The following CCDC74B variants were observed in gnomAD, a reference collection of about 807,000 sequenced individuals.
CCDC74B encodes coiled-coil domain-containing protein 74B.
In CCDC74B, 34 loss-of-function variants were observed where a neutral mutation model predicts 38.0. That is an observed-to-expected ratio of 0.89 (90% CI 0.68 to 1.19). The LOEUF (loss-of-function observed/expected upper bound fraction) is 1.19. CCDC74B is among the 50% of genes most tolerant of loss of function. The probability of loss-of-function intolerance (pLI) is 0.00; values close to 1 mark genes in which losing one functional copy is unlikely to be tolerated. For missense variants in CCDC74B, 358 were observed against 406.0 expected, an observed-to-expected ratio of 0.88 and a Z score of 1.02; for synonymous variants, 132 against 170.4, an observed-to-expected ratio of 0.77 and a Z score of 1.76.
At position 130,139,932 on chromosome 2, in the gene CCDC74B, C is replaced by T. The variant is rs755279496; in HGVS notation, c.768G>A (p.Thr256=). 2.2e-5 allele frequency: 36 copies of T among 1,611,972 alleles called. No homozygotes were observed. In the East Asian group the frequency reaches 2.5e-4, roughly 11 times the overall value. ...TCTTGGTGGAGACCTTGGGGAAATG[C>T]GTGGCTTCTTGGTCCCTGGGTGAAG... ...EASFPRDQEA[T]HFPKVSTKSL... The change falls in exon 7 of 8, where the codon ACG becomes ACA. Residue 256 remains threonine, a synonymous_variant. Coordinates refer to ENST00000409943, the MANE Select transcript of CCDC74B (RefSeq NM_001258307.2).
At chr2:130,143,598 A>C (rs1323162687) in intron 1 of CCDC74B, among the ~76,000 whole-genome samples, 1 of 152,192 alleles carries the variant, frequency 6.6e-6, no homozygotes, top group Non-Finnish European at 1.5e-5. Context: ...CCTGGGCTTT[A>C]GGGGTACAGA....
chr2:130,142,083 T>C (rs1685669434), intron 3 of CCDC74B, 50 bp downstream of exon 3: 1 of 1,596,128 alleles, frequency 6.3e-7, no homozygotes, highest in East Asian at 2.2e-5. Context: ...CAGGCTGGGG[T>C]CCCCGTGGGG....
rs1467331187 is a variant in CCDC74B at position 130,142,893 on chromosome 2, C to T, written c.295+376G>A. ...CCCCCAGCATGTCAGGACTCAGAGCCATAGGGCTGGAGATCCTGGGCCTGG... is the reference window on the plus strand; with the variant it reads ...CCCCCAGCATGTCAGGACTCAGAGCTATAGGGCTGGAGATCCTGGGCCTGG... On this transcript the variant is annotated intron_variant, in intron 2 of 7. Transcript: ENST00000409943. 7 of 1,550,316 alleles carry T rather than the reference C, an allele frequency of 4.5e-6. No individual in the cohort carries two copies. In the African/African-American group the frequency reaches 9.6e-5, roughly 21 times the overall value.
In CCDC74B at chr2:130,140,374, G is replaced by T. The variant is rs1483129440; in HGVS notation, c.486-3C>A. On this transcript the variant is annotated splice_region_variant and splice_polypyrimidine_tract_variant and intron_variant, in intron 4 of 7. Transcript: ENST00000409943. The stretch of plus-strand genomic sequence containing the variant: ...TAGAGGCCTCTGCTTTCTCCTTTCT[G>T]AAACAGTCATTGCAGCAGCCAGAGG... The T allele has an allele frequency of 6.4e-7, 1 of 1,564,122 alleles. No individual in the cohort carries two copies. The highest frequency in any genetic ancestry group is 2.0e-4 in the Middle Eastern group (1 of 4,932).
chr2:130,142,947 A>G (rs1180342898), intron 2 of CCDC74B: 2 of 1,549,010 alleles, frequency 1.3e-6, no homozygotes, highest in African/African-American at 1.4e-5. Flanking sequence ...GCAAAGATCT[A>G]GCAGGGCAGG....
intron 2 of CCDC74B, chr2:130,142,674 C>A: frequency 6.5e-7 from 1 of 1,543,616 alleles, no homozygotes; most frequent in Non-Finnish European, 8.7e-7. Context: ...TCAGCCCCAG[C>A]CCCAAAGATA....
At chr2:130,142,808 T>C (rs748593867) in intron 2 of CCDC74B, 2 of 1,549,758 alleles carry the variant, frequency 1.3e-6, no homozygotes, top group Middle Eastern at 1.7e-4. Context: ...TTTGTCCCCA[T>C]GGTTGCTGCC....
Position 130,139,384 on chromosome 2 carries a change from T to G in CCDC74B, c.*171A>C. The G allele has an allele frequency of 1.2e-6, 1 of 828,720 alleles. No individual in the cohort carries two copies. Among genetic ancestry groups the G allele is most frequent in the Non-Finnish European group, 1.9e-6 (1 of 540,232 alleles). The allele number at this position is 828,720 out of a possible 1,614,324, so 51.3% of individuals were successfully genotyped here. A position where few individuals can be genotyped will look rare whatever the true frequency, so the allele number is the denominator to read the frequency against. On this transcript the variant is annotated 3_prime_UTR_variant, in exon 8 of 8. Transcript: ENST00000409943. ...AAATGCCAAATAGCAAAATAACAGC[T>G]AGAAAATAAACAGTTTGTCAGTTTG...
In CCDC74B at chr2:130,143,043, A is replaced by G. The variant is rs570921690; in HGVS notation, c.295+226T>C. 30 of 1,491,304 alleles carry G rather than the reference A, an allele frequency of 2.0e-5. No individual in the cohort carries two copies. In the East Asian group the frequency reaches 6.2e-4, roughly 31 times the overall value. The allele number at this position is 1,491,304 out of a possible 1,614,324, so 92.4% of individuals were successfully genotyped here. A position where few individuals can be genotyped will look rare whatever the true frequency, so the allele number is the denominator to read the frequency against. On this transcript the variant is annotated intron_variant, in intron 2 of 7. Coordinates refer to ENST00000409943, the MANE Select transcript of CCDC74B (RefSeq NM_001258307.2). ...ACCCTGTGCCCACCTCCCCACTGCA[A>G]TGACCTCAGGCCCTGGGCTTCCTGA...
At chr2:130,142,839 C>G (rs1685748987) in intron 2 of CCDC74B, 5 of 1,550,256 alleles carry the variant, frequency 3.2e-6, no homozygotes, top group Non-Finnish European at 4.4e-6. Context: ...GAAGGGATCC[C>G]TGGATGGAGT....
chr2:130,141,772 C>T, intron 3 of CCDC74B: 2 of 445,636 alleles, frequency 4.5e-6, no homozygotes, highest in Non-Finnish European at 8.2e-6. Context: ...AGTGCCATCC[C>T]TCCTGTGTCC....
At chr2:130,142,961 T>G (rs1435269798) in intron 2 of CCDC74B, 1 of 1,535,506 alleles carries the variant, frequency 6.5e-7, no homozygotes, top group Non-Finnish European at 8.8e-7. Context: ...GGGCAGGGGC[T>G]GTCCCAGGGG....
chr2:130,142,135 G>C lies in CCDC74B; in HGVS notation c.344C>G (p.Ser115Ter). 6.2e-7 allele frequency: 1 copy of C among 1,613,582 alleles called. No individual in the cohort carries two copies. Among genetic ancestry groups the C allele is most frequent in the South Asian group, 1.1e-5 (1 of 91,060 alleles). The change falls in exon 3 of 8, where the codon TCA becomes TGA. Residue 115 changes from serine to a stop codon, truncating the protein, a stop_gained and splice_region_variant. Transcript: ENST00000409943. LOFTEE classifies it high-confidence loss of function. Reference sequence around the variant, plus strand: ...CACATGGACGCCAGCCTGCTCACCTGAATTAGAGATGGACTTGACAGACTG... The same window carrying C: ...CACATGGACGCCAGCCTGCTCACCTCAATTAGAGATGGACTTGACAGACTG... ...SFQSVKSISN[S>*]GKARPQPGSF...
In CCDC74B at chr2:130,142,831, A is replaced by G. The variant is rs745550260; in HGVS notation, c.295+438T>C. The stretch of plus-strand genomic sequence containing the variant: ...CATGGTTGCTGCCCAGATGGCAGGA[A>G]GGGATCCCTGGATGGAGTGTGTCCA... On this transcript the variant is annotated intron_variant, in intron 2 of 7. Coordinates refer to ENST00000409943, the MANE Select transcript of CCDC74B (RefSeq NM_001258307.2). 16 of 1,549,352 alleles carry G rather than the reference A, an allele frequency of 1.0e-5. No homozygotes were observed. In the South Asian group the frequency reaches 1.8e-4, roughly 17 times the overall value.
Position 130,143,324 on chromosome 2 carries a change from G to A in CCDC74B, c.251-11C>T. Reference sequence around the variant, plus strand: ...GCTTGTAACGGAGATCTGAAAGCAAGCACACGCTCTCCTCAGCACTTGTGA... The same window carrying A: ...GCTTGTAACGGAGATCTGAAAGCAAACACACGCTCTCCTCAGCACTTGTGA... On this transcript the variant is annotated splice_polypyrimidine_tract_variant and intron_variant, in intron 1 of 7. Transcript: ENST00000409943. 4 of 1,614,002 alleles carry A rather than the reference G, an allele frequency of 2.5e-6. No homozygotes were observed. Among genetic ancestry groups the A allele is most frequent in the Middle Eastern group, 1.7e-4 (1 of 6,060 alleles).
At chr2:130,140,831 G>A (rs1280712949) in intron 4 of CCDC74B, 3 of 242,486 alleles carry the variant, frequency 1.2e-5, no homozygotes, top group Non-Finnish European at 1.5e-5. Flanking sequence ...GTGGCCAGGG[G>A]CAGCAAGCCT....
Position 130,139,489 on chromosome 2 carries a change from A to T in CCDC74B, c.*66T>A, listed in dbSNP as rs1685441452. ...CCTAAAAGTAGCGGAAGTGTCAGGA[A>T]ATGCTATAGAGAGCCAATCTCCAGC... On this transcript the variant is annotated 3_prime_UTR_variant, in exon 8 of 8. Coordinates refer to ENST00000409943, the MANE Select transcript of CCDC74B (RefSeq NM_001258307.2). 2 of 1,567,354 alleles carry T rather than the reference A, an allele frequency of 1.3e-6. No individual in the cohort carries two copies. The highest frequency in any genetic ancestry group is 2.7e-5 in the African/African-American group (2 of 73,292).
rs759170337 is a variant in CCDC74B at position 130,140,355 on chromosome 2, C to T, written c.502G>A (p.Ala168Thr). 5.0e-6 allele frequency: 8 copies of T among 1,589,194 alleles called. No individual in the cohort carries two copies. The Admixed American group carries it at 7.0e-5, about 14-fold the overall frequency. Residue 168 changes from alanine (A) to threonine (T), a missense_variant, in exon 5 of 8, where the codon GCC becomes ACC. Ala to Thr is a moderately conservative substitution (Grantham distance 58, BLOSUM62 0). Coordinates refer to ENST00000409943, the MANE Select transcript of CCDC74B (RefSeq NM_001258307.2). ...ATACAGGCAGCTCCTGCGTTAGAGG[C>T]CTCTGCTTTCTCCTTTCTGAAACAG... The part of the protein sequence containing the change: ...QGQARKEKAE[A>T]SNAGAACMGN...
intron 1 of CCDC74B, among the ~76,000 whole-genome samples, chr2:130,144,110 G>T (rs993006957): frequency 6.6e-6 from 1 of 152,148 alleles, no homozygotes; most frequent in African/African-American, 2.4e-5. Context: ...TCGCACTTGG[G>T]CACGTTTCCC....
Sources: gnomAD v4.1 joint callset for allele counts (sites outside exome capture counted in the v4.1 genomes callset) on GRCh38, gnomAD v4.1.1 for gene constraint, MANE v1.5 for transcripts, NCBI Gene and HGNC (gene_info 2026-07-23, HGNC 2026-07-21) for gene names.